The following IL1RAPL1 variants were observed in gnomAD, a reference collection of about 807,000 sequenced individuals.
IL1RAPL1 encodes the protein interleukin 1 receptor accessory protein like 1.
A neutral mutation model predicts 48.4 loss-of-function variants in IL1RAPL1; 3 were observed. The observed-to-expected ratio is 0.06, with a 90% CI of 0.03 to 0.16. IL1RAPL1 has a LOEUF of 0.16. IL1RAPL1 is among the 10% of genes least tolerant of loss of function. IL1RAPL1 has a pLI of 1.00. For synonymous variants in IL1RAPL1, 185 were observed against 187.7 expected, an observed-to-expected ratio of 0.99 and a Z score of 0.12; for missense variants, 349 against 530.6, an observed-to-expected ratio of 0.66 and a Z score of 3.36.
intron 6 of IL1RAPL1, among the ~76,000 whole-genome samples, chrX:29,795,674 G>A (rs866656569): frequency 8.8e-6 from 1 of 113,280 alleles, no homozygotes; most frequent in Non-Finnish European, 1.9e-5. Flanking sequence ...GCCTCCCAGA[G>A]TGCTGGGATT....
chrX:28,797,752 G>A (rs1936629922), intron 2 of IL1RAPL1, among the ~76,000 whole-genome samples: 1 of 111,820 alleles, frequency 8.9e-6, no homozygotes, highest in African/African-American at 3.3e-5. Context: ...ACCTCTGCCT[G>A]TTACCCAGTT....
intron 1 of IL1RAPL1, among the ~76,000 whole-genome samples, chrX:28,615,153 G>T (rs1296347646): frequency 9.9e-6 from 1 of 101,010 alleles, no homozygotes; most frequent in Non-Finnish European, 1.9e-5. Context: ...CTCCTAAAGT[G>T]CTGAGATTAC....
chrX:29,228,477 C>G (rs1341379134), intron 2 of IL1RAPL1, among the ~76,000 whole-genome samples: 1 of 106,461 alleles, frequency 9.4e-6, no homozygotes, highest in African/African-American at 3.4e-5. Flanking sequence ...CCCTCAGCCT[C>G]CCGAGTAGCT....
In IL1RAPL1 at chrX:29,955,505, G is replaced by A. The variant is rs1933401093; in HGVS notation, c.1776G>A (p.Met592Ile). 2.5e-6 allele frequency: 3 copies of A among 1,210,632 alleles called. No homozygotes were observed. The highest frequency in any genetic ancestry group is 3.4e-6 in the Non-Finnish European group (3 of 895,109). ...TGCAGACTGTCTCGGCCATTTCCAT[G>A]GCCGCGGCCACCTCCACAGCTCTAG... ...GELQTVSAIS[M>I]AAATSTALAT... is the part of the protein sequence containing the mutation. Residue 592 changes from methionine (M) to isoleucine (I), a missense_variant, in exon 11 of 11, where the codon ATG becomes ATA. This residue lies in a region of IL1RAPL1 where 46 missense variants were observed against 113.3 expected (regional missense o/e 0.41). Transcript: ENST00000378993.
chrX:29,640,996 T>C (rs780625973), intron 5 of IL1RAPL1, among the ~76,000 whole-genome samples: 61 of 93,267 alleles, frequency 6.5e-4, no homozygotes, highest in Non-Finnish European at 1.1e-3. Flanking sequence ...GAGAACCCCA[T>C]CTCTTAAAAA....
intron 5 of IL1RAPL1, among the ~76,000 whole-genome samples, chrX:29,562,690 G>A (rs1399420558): frequency 2.7e-5 from 3 of 111,535 alleles, no homozygotes; most frequent in Non-Finnish European, 3.8e-5. Context: ...TTGCTGTTTT[G>A]CAAATTAGAG....
intron 2 of IL1RAPL1, among the ~76,000 whole-genome samples, chrX:29,235,265 A>G (rs988054867): frequency 1.8e-5 from 2 of 111,873 alleles, no homozygotes; most frequent in African/African-American, 6.5e-5. Context: ...ATGAAGACCC[A>G]TGGAAAACTT....
At chrX:29,278,789 C>T (rs1263325091) in intron 2 of IL1RAPL1, among the ~76,000 whole-genome samples, 6 of 112,448 alleles carry the variant, frequency 5.3e-5, no homozygotes, top group Non-Finnish European at 9.4e-5. Context: ...AATGGATCAA[C>T]AGCAATTCTG....
intron 2 of IL1RAPL1, among the ~76,000 whole-genome samples, chrX:29,238,976 CT>C (rs1931358836): frequency 8.9e-6 from 1 of 112,125 alleles, no homozygotes; most frequent in Non-Finnish European, 1.9e-5. Flanking sequence ...ATCTCTTAAT[CT>C]CTACTGAATT....
chrX:28,812,747 G>A (rs1936806779), intron 2 of IL1RAPL1, among the ~76,000 whole-genome samples: 1 of 110,726 alleles, frequency 9.0e-6, no homozygotes, highest in African/African-American at 3.3e-5. Flanking sequence ...AGATAACTCA[G>A]TAGTTTGAAA....
intron 5 of IL1RAPL1, among the ~76,000 whole-genome samples, chrX:29,574,696 C>T (rs1449647145): frequency 2.7e-5 from 3 of 111,974 alleles, no homozygotes; most frequent in African/African-American, 9.7e-5. Context: ...GATCAGGCTG[C>T]AACTTCTCCA....
At chrX:29,232,127 A>C (rs774253039) in intron 2 of IL1RAPL1, among the ~76,000 whole-genome samples, 1 of 111,616 alleles carries the variant, frequency 9.0e-6, no homozygotes, top group East Asian at 2.8e-4. Context: ...TATACTCTGA[A>C]TATATTACAT....
chrX:29,514,574 C>T (rs1400153440), intron 5 of IL1RAPL1, among the ~76,000 whole-genome samples: 1 of 111,927 alleles, frequency 8.9e-6, no homozygotes, highest in Admixed American at 9.5e-5. Flanking sequence ...TCAGCATCCC[C>T]AGTAGCTGGG....
chrX:29,663,682 A>G (rs1255555288), intron 5 of IL1RAPL1, among the ~76,000 whole-genome samples: 2 of 112,002 alleles, frequency 1.8e-5, no homozygotes, highest in Non-Finnish European at 3.8e-5. Flanking sequence ...TTGATTTGTT[A>G]AGTATAGATC....
intron 5 of IL1RAPL1, among the ~76,000 whole-genome samples, chrX:29,506,432 T>TCTCCCCCTCCTCCTCCTC (rs1556025722): frequency 0.043 from 933 of 21,519 alleles, 26 homozygotes; most frequent in African/African-American, 0.15. Context: ...TTCTTCTCCT[T>TCTCCCCCTCCTCCTCCTC]CTCCTTCTCC....
chrX:29,603,155 A>G (rs1048579038), intron 5 of IL1RAPL1, among the ~76,000 whole-genome samples: 1 of 109,031 alleles, frequency 9.2e-6, no homozygotes. Flanking sequence ...AATCCCAGCT[A>G]CTCAGGAGTC....
At chrX:28,915,634 G>A (rs1412345023) in intron 2 of IL1RAPL1, among the ~76,000 whole-genome samples, 1 of 111,179 alleles carries the variant, frequency 9.0e-6, no homozygotes, top group South Asian at 3.8e-4. Context: ...GAGTTGACGC[G>A]AGATTTGATC....
chrX:29,753,092 A>G (rs889344174), intron 6 of IL1RAPL1, among the ~76,000 whole-genome samples: 2 of 112,068 alleles, frequency 1.8e-5, no homozygotes, highest in East Asian at 5.6e-4. Context: ...AATTGCGGGT[A>G]GATTGGCTTA....
chrX:28,733,373 A>G (rs930700844), intron 1 of IL1RAPL1, among the ~76,000 whole-genome samples: 8 of 110,415 alleles, frequency 7.2e-5, no homozygotes, highest in African/African-American at 2.6e-4. Flanking sequence ...AAAACTCAGA[A>G]GAGTTGCCTG....
Sources: gnomAD v4.1 joint callset for allele counts (sites outside exome capture counted in the v4.1 genomes callset) on GRCh38, gnomAD v4.1.1 for gene constraint, gnomAD v4.1.1 regional missense constraint, MANE v1.5 for transcripts, NCBI Gene and HGNC (gene_info 2026-07-23, HGNC 2026-07-21) for gene names.